Variants in TCF12 observed in about 807,000 individuals in gnomAD.
The protein encoded by TCF12 is transcription factor 12, also known as DNA-binding protein HTF4.
TCF12 carries 45 observed loss-of-function variants against 86.0 expected under a neutral mutation model. The ratio of observed to expected loss-of-function variants is 0.52; its 90% CI spans 0.41 to 0.67. The LOEUF is 0.67. Among genes scored for constraint, TCF12 ranks in the 30% least tolerant of loss-of-function variants. The pLI, the probability that TCF12 is intolerant of heterozygous loss-of-function variation, is 0.00. For synonymous variants in TCF12, 330 were observed against 299.6 expected (o/e 1.10, Z -1.05); for missense variants, 881 against 859.9 (o/e 1.02, Z -0.31).
intron 16 of TCF12, among the ~76,000 whole-genome samples, chr15:57,257,962 GAGA>G (rs2060426311): frequency 6.6e-6 from 1 of 152,180 alleles, no homozygotes; most frequent in Non-Finnish European, 1.5e-5. Flanking sequence ...ATAAACTGCT[GAGA>G]AGAAGGAAAA....
intron 8 of TCF12, among the ~76,000 whole-genome samples, chr15:57,230,496 C>T (rs2059085667): frequency 6.6e-6 from 1 of 152,066 alleles, no homozygotes; most frequent in East Asian, 1.9e-4. Flanking sequence ...TTATAGTTTG[C>T]TTATCTAAAG....
At chr15:57,240,997 T>C (rs1360399011) in intron 12 of TCF12, among the ~76,000 whole-genome samples, 1 of 151,962 alleles carries the variant, frequency 6.6e-6, no homozygotes, top group Non-Finnish European at 1.5e-5. Flanking sequence ...TCAATGTATG[T>C]GTGCAAAGCC....
chr15:57,248,648 G>C (rs531060755), intron 13 of TCF12, among the ~76,000 whole-genome samples: 1 of 152,208 alleles, frequency 6.6e-6, no homozygotes, highest in Admixed American at 6.5e-5. Flanking sequence ...AGATTGCCTG[G>C]TGTTAAGTCA....
chr15:57,153,030 G>A (rs1288317328), intron 5 of TCF12, among the ~76,000 whole-genome samples: 2 of 152,154 alleles, frequency 1.3e-5, no homozygotes, highest in Non-Finnish European at 2.9e-5. Flanking sequence ...CAAGATGATA[G>A]TGATATCTCT....
At chr15:57,257,676 A>T (rs11296157) in intron 16 of TCF12, among the ~76,000 whole-genome samples, 4 of 18,364 alleles carry the variant, frequency 2.2e-4, no homozygotes, top group African/African-American at 6.1e-4. Flanking sequence ...AAAAAAAAAA[A>T]GTGTATATAT....
intron 18 of TCF12, among the ~76,000 whole-genome samples, chr15:57,269,360 CTTTTTTTTTTTT>C (rs56700978): frequency 9.4e-5 from 3 of 31,944 alleles, no homozygotes; most frequent in Non-Finnish European, 1.6e-4. Flanking sequence ...ACAACCCCTG[CTTTTTTTTTTTT>C]TTTTTTTTTT....
intron 5 of TCF12, among the ~76,000 whole-genome samples, chr15:57,103,867 G>T (rs2049930992): frequency 6.6e-6 from 1 of 152,078 alleles, no homozygotes; most frequent in Non-Finnish European, 1.5e-5. Flanking sequence ...AATTAGCTGG[G>T]CGTGGTGGTA....
At chr15:56,948,818 A>G (rs1358650978) in intron 3 of TCF12, among the ~76,000 whole-genome samples, 1 of 152,240 alleles carries the variant, frequency 6.6e-6, no homozygotes, top group African/African-American at 2.4e-5. Flanking sequence ...ATCTTGCTGT[A>G]TCACTAGAGG....
intron 5 of TCF12, among the ~76,000 whole-genome samples, chr15:57,126,105 G>A (rs2051629722): frequency 6.6e-6 from 1 of 152,148 alleles, no homozygotes; most frequent in Admixed American, 6.5e-5. Flanking sequence ...GCTGGGCATG[G>A]TGGCATGCAC....
At chr15:56,978,816 G>C (rs1798294728) in intron 3 of TCF12, among the ~76,000 whole-genome samples, 2 of 152,152 alleles carry the variant, frequency 1.3e-5, no homozygotes, top group East Asian at 1.9e-4. Flanking sequence ...CAACTAAAAA[G>C]CCCAAGGGAG....
At chr15:57,046,998 A>G (rs1201448079) in intron 3 of TCF12, among the ~76,000 whole-genome samples, 1 of 152,200 alleles carries the variant, frequency 6.6e-6, no homozygotes, top group East Asian at 1.9e-4. Flanking sequence ...CCTTGCTCAT[A>G]GGCAGAGATG....
intron 3 of TCF12, among the ~76,000 whole-genome samples, chr15:57,000,468 C>A (rs1201020025): frequency 6.6e-6 from 1 of 151,866 alleles, no homozygotes; most frequent in Non-Finnish European, 1.5e-5. Context: ...AAAAGTTTAT[C>A]AAAATTTGTG....
At chr15:56,925,240 G>GCCCCCCCCCCCCCCCCCCCC (rs11465192) in intron 3 of TCF12, among the ~76,000 whole-genome samples, 3 of 136,258 alleles carry the variant, frequency 2.2e-5, no homozygotes, top group Admixed American at 7.5e-5. Context: ...GGTGTCCACC[G>GCCCCCCCCCCCCCCCCCCCC]CCCCCCCACC....
chr15:57,233,031 GTA>G lies in TCF12; in HGVS notation c.970+181_970+182del, dbSNP rs34475942. On this transcript the variant is annotated intron_variant, in intron 11 of 20. Transcript: ENST00000333725. The stretch of plus-strand genomic sequence containing the variant: ...ATGTGTTATATATGTATATATGTGT[GTA>G]TATATGTTATATATGTATATGTGTT... Among the ~76,000 whole-genome samples the G allele has an allele frequency of 0.39, 57,687 of 147,740 alleles. 14,069 individuals carry two copies. Among genetic ancestry groups the G allele is most frequent in the Non-Finnish European group, 0.54 (36,413 of 67,204 alleles).
intron 3 of TCF12, among the ~76,000 whole-genome samples, chr15:56,950,742 C>A: frequency 2.2e-5 from 2 of 90,868 alleles, no homozygotes; most frequent in African/African-American, 3.8e-5. Context: ...CTATTATGAC[C>A]ATGTTTTTTT....
rs1597732865 is a variant in TCF12 at position 57,263,360 on chromosome 15, C to G, written c.1745+86C>G. 8.8e-6 allele frequency: 12 copies of G among 1,361,524 alleles called. No individual in the cohort carries two copies. The East Asian group carries it at 2.8e-4, about 31-fold the overall frequency. The allele number at this position is 1,361,524 out of a possible 1,614,324, so 84.3% of individuals were successfully genotyped here. The stretch of plus-strand genomic sequence containing the variant: ...AAGCTGGGTGTCATGCATTTATTAA[C>G]TGTCAGCTATGTTCTAGATATTGTG... On this transcript the variant is annotated intron_variant, in intron 18 of 20. Coordinates refer to ENST00000333725, the MANE Select transcript of TCF12 (RefSeq NM_207037.2).
intron 5 of TCF12, among the ~76,000 whole-genome samples, chr15:57,132,042 T>C (rs996805541): frequency 2.0e-5 from 3 of 152,140 alleles, no homozygotes; most frequent in Non-Finnish European, 2.9e-5. Context: ...TCCCAGCTAC[T>C]TGGGAGGCTG....
intron 3 of TCF12, among the ~76,000 whole-genome samples, chr15:57,025,061 T>C (rs2065738927): frequency 6.6e-6 from 1 of 151,358 alleles, no homozygotes; most frequent in Non-Finnish European, 1.5e-5. Flanking sequence ...ATGTGATTTA[T>C]AAGTTTGTGT....
intron 4 of TCF12, among the ~76,000 whole-genome samples, chr15:57,091,312 C>T (rs1267010301): frequency 6.6e-6 from 1 of 152,042 alleles, no homozygotes; most frequent in Non-Finnish European, 1.5e-5. Flanking sequence ...TTGCCTAACG[C>T]TTTATTTTTA....
Sources: allele counts gnomAD v4.1 joint callset (sites outside exome capture counted in the v4.1 genomes callset), GRCh38; gene constraint gnomAD v4.1.1; transcripts MANE v1.5; gene names NCBI Gene and HGNC (gene_info 2026-07-23, HGNC 2026-07-21).